The following TBC1D5 variants were observed in gnomAD, a reference collection of about 807,000 sequenced individuals.
TBC1D5 encodes TBC1 domain family member 5.
A neutral mutation model predicts 100.3 loss-of-function variants in TBC1D5; 75 were observed. The observed-to-expected ratio is 0.75, with a 90% confidence interval of 0.62 to 0.91. The LOEUF is 0.91. Among genes scored for constraint, TBC1D5 ranks in the 40% least tolerant of loss-of-function variants. TBC1D5 has a pLI of 0.00. For synonymous variants in TBC1D5, 323 were observed against 325.6 expected (o/e 0.99, Z 0.09); for missense variants, 910 against 942.4 (o/e 0.97, Z 0.45).
intron 13 of TBC1D5, among the ~76,000 whole-genome samples, chr3:17,313,839 T>C (rs2084339305): frequency 6.6e-6 from 1 of 152,196 alleles, no homozygotes; most frequent in Non-Finnish European, 1.5e-5. Context: ...CAAAGGGACA[T>C]GGCCAAAATC....
chr3:17,174,648 C>T (rs1022142450), intron 19 of TBC1D5, among the ~76,000 whole-genome samples: 2 of 152,186 alleles, frequency 1.3e-5, no homozygotes, highest in Admixed American at 6.5e-5. Context: ...GGCTGGAGTG[C>T]AGTGGCACAA....
intron 3 of TBC1D5, among the ~76,000 whole-genome samples, chr3:17,495,142 C>G (rs969822918): frequency 2.6e-5 from 4 of 152,178 alleles, no homozygotes; most frequent in Admixed American, 6.5e-5. Context: ...GTTGAAGATT[C>G]AGGATTTAGC....
intron 3 of TBC1D5, among the ~76,000 whole-genome samples, chr3:17,441,984 CA>C (rs145957350): frequency 0.091 from 13,851 of 151,400 alleles, 1,432 homozygotes; most frequent in African/African-American, 0.26. Context: ...GGGCAAAATA[CA>C]AAAAAACAAA....
intron 2 of TBC1D5, among the ~76,000 whole-genome samples, chr3:17,595,429 T>A (rs1394728147): frequency 6.6e-6 from 1 of 152,196 alleles, no homozygotes; most frequent in Non-Finnish European, 1.5e-5. Flanking sequence ...CAAAAAAGCA[T>A]ATGATATTTT....
intron 8 of TBC1D5, among the ~76,000 whole-genome samples, chr3:17,398,050 T>C (rs1182758440): frequency 6.6e-6 from 1 of 152,176 alleles, no homozygotes; most frequent in East Asian, 1.9e-4. Context: ...TGGCATCTAA[T>C]ATGGAAATGA....
At chr3:17,269,877 T>G (rs1429201485) in intron 15 of TBC1D5, among the ~76,000 whole-genome samples, 1 of 152,184 alleles carries the variant, frequency 6.6e-6, no homozygotes, top group African/African-American at 2.4e-5. Context: ...TACCACATTT[T>G]CTTTATCCAA....
chr3:17,485,743 G>A (rs1408228462), intron 3 of TBC1D5, among the ~76,000 whole-genome samples: 2 of 151,690 alleles, frequency 1.3e-5, no homozygotes, highest in Admixed American at 1.3e-4. Context: ...GTCTATCATT[G>A]TTGGACATTT....
chr3:17,516,398 T>C (rs1313258159), intron 2 of TBC1D5, among the ~76,000 whole-genome samples: 1 of 152,138 alleles, frequency 6.6e-6, no homozygotes, highest in Non-Finnish European at 1.5e-5. Flanking sequence ...AAGAAAGAAT[T>C]CATGAAAGGA....
chr3:17,229,393 T>C (rs564463942), intron 17 of TBC1D5, among the ~76,000 whole-genome samples: 3 of 152,296 alleles, frequency 2.0e-5, no homozygotes, highest in Admixed American at 6.5e-5. Flanking sequence ...GCCCCTGGAA[T>C]AGACATTCTC....
intron 2 of TBC1D5, among the ~76,000 whole-genome samples, chr3:17,591,232 T>TAAAAA (rs2096766217): frequency 2.4e-4 from 1 of 4,152 alleles, no homozygotes; most frequent in South Asian, 0.01. Flanking sequence ...AAAGGATCTG[T>TAAAAA]CAAAAAAAAA....
intron 1 of TBC1D5, among the ~76,000 whole-genome samples, chr3:17,669,816 T>C (rs1163643420): frequency 6.6e-6 from 1 of 152,198 alleles, no homozygotes; most frequent in Non-Finnish European, 1.5e-5. Context: ...ACTCAATGAA[T>C]ACAAGACCAC....
chr3:17,160,962 G>A, exon 22 of TBC1D5: 1 of 1,612,482 alleles, frequency 6.2e-7, no homozygotes, highest in Middle Eastern at 1.7e-4. Flanking sequence ...GGGCACTGTG[G>A]TCAGATGTCC....
chr3:17,492,330 T>C (rs1213254462), intron 3 of TBC1D5, among the ~76,000 whole-genome samples: 1 of 152,168 alleles, frequency 6.6e-6, no homozygotes, highest in Non-Finnish European at 1.5e-5. Flanking sequence ...TTCTGGTAGC[T>C]TTGGGGTTTG....
chr3:17,594,414 C>A (rs1480801845), intron 2 of TBC1D5, among the ~76,000 whole-genome samples: 1 of 152,184 alleles, frequency 6.6e-6, no homozygotes, highest in Non-Finnish European at 1.5e-5. Flanking sequence ...AGGAAAAAAA[C>A]CACAACCTGT....
At chr3:17,473,798 G>T (rs1367032379) in intron 3 of TBC1D5, among the ~76,000 whole-genome samples, 6 of 151,836 alleles carry the variant, frequency 4.0e-5, no homozygotes, top group Non-Finnish European at 7.4e-5. Flanking sequence ...GTAATAACAT[G>T]AAATGAATGT....
rs772824760 is a variant in TBC1D5 at position 17,238,140 on chromosome 3, G to A, written c.1588+23C>T. The A allele has an allele frequency of 6.2e-6, 10 of 1,604,544 alleles. No homozygotes were observed. In the Admixed American group the frequency reaches 1.7e-4, roughly 27 times the overall value. Reference sequence around the variant, plus strand: ...GGCTACACCATGAATGTTTTCTTTAGATTTACTAGTATTTTTTCCTACCTT... The same window carrying A: ...GGCTACACCATGAATGTTTTCTTTAAATTTACTAGTATTTTTTCCTACCTT... On this transcript the variant is annotated intron_variant, in intron 17 of 21. Coordinates refer to ENST00000253692, the Ensembl canonical transcript of TBC1D5.
chr3:17,313,659 TCTC>T (rs1360380685), intron 13 of TBC1D5, among the ~76,000 whole-genome samples: 2 of 152,160 alleles, frequency 1.3e-5, no homozygotes, highest in African/African-American at 4.8e-5. Context: ...TCTGCATAAA[TCTC>T]CTAATACATT....
At chr3:17,689,518 C>CAAAAAA (rs373476990) in intron 1 of TBC1D5, among the ~76,000 whole-genome samples, 1 of 54,936 alleles carries the variant, frequency 1.8e-5, no homozygotes, top group Non-Finnish European at 3.8e-5. Flanking sequence ...GACCCTGTCT[C>CAAAAAA]AAAAAAAAAA....
intron 2 of TBC1D5, among the ~76,000 whole-genome samples, chr3:17,602,033 G>A (rs747003667): frequency 9.2e-5 from 14 of 151,916 alleles, no homozygotes; most frequent in African/African-American, 1.2e-4. Context: ...GGGTTTCACC[G>A]TGTTAACCAG....
Sources: allele counts gnomAD v4.1 joint callset (sites outside exome capture counted in the v4.1 genomes callset), GRCh38; gene constraint gnomAD v4.1.1; transcripts MANE v1.5; gene names NCBI Gene and HGNC (gene_info 2026-07-23, HGNC 2026-07-21).